The following PRKN variants were observed in gnomAD, a reference collection of about 807,000 sequenced individuals.
PRKN encodes parkin RBR E3 ubiquitin protein ligase.
In PRKN, 56 loss-of-function variants were observed where a neutral mutation model predicts 59.5. That is an observed-to-expected ratio of 0.94 (90% confidence interval 0.76 to 1.18). PRKN has a LOEUF of 1.18. Ranked by LOEUF, PRKN falls within the 50% of genes most tolerant of loss-of-function variation. The pLI, the probability that PRKN is intolerant of heterozygous loss-of-function variation, is 0.00. For missense variants in PRKN, 657 were observed against 596.4 expected, an observed-to-expected ratio of 1.10 and a Z score of -1.06; for synonymous variants, 250 against 222.1, an observed-to-expected ratio of 1.13 and a Z score of -1.12.
At chr6:161,521,096 C>T (rs937427890) in intron 9 of PRKN, among the ~76,000 whole-genome samples, 1 of 152,112 alleles carries the variant, frequency 6.6e-6, no homozygotes, top group African/African-American at 2.4e-5. Flanking sequence ...AGCAGGATCT[C>T]AAAGTCATAA....
At chr6:162,094,173 T>C (rs546128819) in intron 4 of PRKN, among the ~76,000 whole-genome samples, 17 of 152,254 alleles carry the variant, frequency 1.1e-4, no homozygotes, top group African/African-American at 4.1e-4. Flanking sequence ...TGCCCATCTG[T>C]GAGCTGGGGC....
At chr6:161,785,967 T>C (rs1790403439) in intron 6 of PRKN, 59 bp from the exon 7 acceptor site, 1 of 1,563,486 alleles carries the variant, frequency 6.4e-7, no homozygotes, top group East Asian at 2.3e-5. Context: ...AGGCAGCACG[T>C]GCTTTAGACC....
rs541799506 is a variant in PRKN, at chr6:161,691,939, A to G, written c.871+93833T>C. ...GCAAACAGCAAAGACAGAAACTGTG[A>G]TGACACTGTCATCACACACTTTGAA... is the stretch of plus-strand genomic sequence containing the variant. On this transcript the variant is annotated intron_variant, in intron 7 of 11. Coordinates refer to ENST00000366898, the MANE Select transcript of PRKN (RefSeq NM_004562.3). Among the ~76,000 whole-genome samples, 100 of 152,248 alleles carry G rather than the reference A, an allele frequency of 6.6e-4. 2 individuals carry two copies. Among genetic ancestry groups the G allele is most frequent in the African/African-American group, 2.1e-3 (86 of 41,570 alleles).
chr6:162,156,876 C>G, intron 4 of PRKN, among the ~76,000 whole-genome samples: 1 of 152,066 alleles, frequency 6.6e-6, no homozygotes, highest in East Asian at 1.9e-4. Flanking sequence ...GTAAAGACTC[C>G]AGACCATGTG....
chr6:161,464,064 G>A (rs9295150), intron 9 of PRKN, among the ~76,000 whole-genome samples: 2,126 of 152,214 alleles, frequency 0.014, 26 homozygotes, highest in Non-Finnish European at 0.023. Flanking sequence ...GCCCAGGCTG[G>A]AGTGCAATGG....
chr6:162,534,919 AGAG>A (rs1778656514), intron 1 of PRKN, among the ~76,000 whole-genome samples: 1 of 152,100 alleles, frequency 6.6e-6, no homozygotes, highest in South Asian at 2.1e-4. Context: ...CCTTCCCATC[AGAG>A]GAGAAGCATC....
chr6:162,047,652 C>A (rs1777439464), intron 5 of PRKN, among the ~76,000 whole-genome samples: 1 of 151,800 alleles, frequency 6.6e-6, no homozygotes, highest in Non-Finnish European at 1.5e-5. Flanking sequence ...TAAAAACAGA[C>A]AAAAGAAATA....
At chr6:161,684,727 T>A (rs1785491711) in intron 7 of PRKN, among the ~76,000 whole-genome samples, 1 of 151,540 alleles carries the variant, frequency 6.6e-6, no homozygotes, top group African/African-American at 2.4e-5. Flanking sequence ...AGAGTTACAA[T>A]GATAAAACAA....
At chr6:162,686,935 G>A (rs779219170) in intron 1 of PRKN, among the ~76,000 whole-genome samples, 6 of 152,058 alleles carry the variant, frequency 3.9e-5, no homozygotes, top group Non-Finnish European at 7.4e-5. Flanking sequence ...AGTATAGTTC[G>A]AAGTCAGGAA....
Position 161,779,141 on chromosome 6 carries a change from C to T in PRKN, c.871+6631G>A, listed in dbSNP as rs59229607. Among the ~76,000 whole-genome samples the T allele has an allele frequency of 1.2e-3, 183 of 152,026 alleles. 2 individuals carry two copies. Among genetic ancestry groups the T allele is most frequent in the Middle Eastern group, 6.8e-3 (2 of 294 alleles). ...TTTCACTGGACACGGGGTTTCACCA[C>T]GTTGGCCAGGCTGGTCTCGAACTGC... On this transcript the variant is annotated intron_variant, in intron 7 of 11. Transcript: ENST00000366898.
chr6:162,500,964 G>A (rs1793336017), intron 1 of PRKN, among the ~76,000 whole-genome samples: 1 of 152,138 alleles, frequency 6.6e-6, no homozygotes, highest in Non-Finnish European at 1.5e-5. Flanking sequence ...CCGGGAGTTT[G>A]AGAACAGCTT....
At chr6:162,429,991 T>C (rs763525969) in intron 2 of PRKN, among the ~76,000 whole-genome samples, 8 of 152,176 alleles carry the variant, frequency 5.3e-5, no homozygotes, top group Non-Finnish European at 8.8e-5. Context: ...TTTGCATCTT[T>C]TATTTTATAA....
At chr6:162,218,404 C>T (rs1406316593) in intron 3 of PRKN, among the ~76,000 whole-genome samples, 1 of 152,076 alleles carries the variant, frequency 6.6e-6, no homozygotes, top group Non-Finnish European at 1.5e-5. Context: ...GTACATGCTG[C>T]AGAGGGCAGA....
rs964578821 is a variant in PRKN, at chr6:161,447,747, C to G, written c.1084-60870G>C. Among the ~76,000 whole-genome samples the G allele has an allele frequency of 5.3e-5, 8 of 152,330 alleles. No homozygotes were observed. Among genetic ancestry groups the G allele is most frequent in the Non-Finnish European group, 1.2e-4 (8 of 68,026 alleles). On this transcript the variant is annotated intron_variant, in intron 9 of 11. Coordinates refer to ENST00000366898, the MANE Select transcript of PRKN (RefSeq NM_004562.3). The surrounding 1 kb of genome is among the most constrained non-coding windows in gnomAD (Gnocchi z 4.1). ...TGACCTCATGATCAGCCCGCCTCGG[C>G]CTCCCAATGTGCTGGGATTACAGGT...
intron 2 of PRKN, among the ~76,000 whole-genome samples, chr6:162,338,168 A>G (rs1472227212): frequency 1.3e-5 from 2 of 152,136 alleles, no homozygotes; most frequent in Non-Finnish European, 2.9e-5. Flanking sequence ...GGAGAGACAA[A>G]TGTACAATTA....
intron 9 of PRKN, among the ~76,000 whole-genome samples, chr6:161,507,390 T>C (rs938798129): frequency 2.0e-5 from 3 of 152,216 alleles, no homozygotes; most frequent in Non-Finnish European, 4.4e-5. Context: ...CAGTTCTCAG[T>C]TTTGACACAA....
chr6:161,748,422 C>CT (rs1365261916), intron 7 of PRKN, among the ~76,000 whole-genome samples: 1 of 151,780 alleles, frequency 6.6e-6, no homozygotes, highest in Non-Finnish European at 1.5e-5. Flanking sequence ...CTGCCCTAAG[C>CT]TCCCAGAGTA....
intron 5 of PRKN, among the ~76,000 whole-genome samples, chr6:161,998,827 C>T (rs1335756716): frequency 1.3e-5 from 2 of 151,952 alleles, no homozygotes; most frequent in South Asian, 2.1e-4. Context: ...CCCCAAAATG[C>T]CTCAATATAA....
rs1786224171 is a variant in PRKN at position 161,386,055 on chromosome 6, A to C, written c.1167+739T>G. ...AAAATCAAAATATTCTGGGATTTCTATGTCTGTTTACTAGGTTCCTATCAG... is the reference window on the plus strand; with the variant it reads ...AAAATCAAAATATTCTGGGATTTCTCTGTCTGTTTACTAGGTTCCTATCAG... On this transcript the variant is annotated intron_variant, in intron 10 of 11. Transcript: ENST00000366898. This position sits in a 1 kb window ranked among gnomAD's most constrained non-coding sequence, Gnocchi z 4.3. Among the ~76,000 whole-genome samples, 1 of 152,194 alleles carries C rather than the reference A, an allele frequency of 6.6e-6. No homozygotes were observed. The highest frequency in any genetic ancestry group is 2.4e-5 in the African/African-American group (1 of 41,454).
Sources: gnomAD v4.1 joint callset for allele counts (sites outside exome capture counted in the v4.1 genomes callset) on GRCh38, gnomAD v4.1.1 for gene constraint, Gnocchi (gnomAD v3.1) non-coding constraint, MANE v1.5 for transcripts, NCBI Gene and HGNC (gene_info 2026-07-23, HGNC 2026-07-21) for gene names.